KLF8: variants seen among roughly 807,000 people sequenced by gnomAD.
KLF8 encodes the protein Krueppel-like factor 8.
KLF8 carries 10 observed loss-of-function variants against 18.2 expected under a neutral mutation model. The ratio of observed to expected loss-of-function variants is 0.55; its 90% CI spans 0.34 to 0.93. The LOEUF is 0.93. Among genes scored for constraint, KLF8 ranks in the 40% least tolerant of loss-of-function variants. The pLI is 0.02. For missense variants in KLF8, 264 were observed against 277.9 expected (o/e 0.95, Z 0.36); for synonymous variants, 109 against 97.3 (o/e 1.12, Z -0.71).
intron 5 of KLF8, among the ~76,000 whole-genome samples, chrX:56,272,111 A>G (rs1014758451): frequency 2.7e-5 from 3 of 111,826 alleles, no homozygotes; most frequent in East Asian, 2.8e-4. Flanking sequence ...AATATCCACA[A>G]TTCTTAGCTT....
the KLF8 span, among the ~76,000 whole-genome samples, chrX:56,067,743 C>T: frequency 8.9e-6 from 1 of 112,214 alleles, no homozygotes; most frequent in African/African-American, 3.2e-5. Context: ...CCCCCGTCCC[C>T]CTCCTACACT....
At chrX:56,278,688 C>T (rs2067156724) in intron 5 of KLF8, among the ~76,000 whole-genome samples, 1 of 111,286 alleles carries the variant, frequency 9.0e-6, no homozygotes, top group Non-Finnish European at 1.9e-5. Flanking sequence ...ATGCTCCCCG[C>T]AAGTCCACTG....
At chrX:56,248,054 G>A (rs2066649180) in intron 1 of KLF8, among the ~76,000 whole-genome samples, 2 of 111,142 alleles carry the variant, frequency 1.8e-5, no homozygotes, top group Admixed American at 1.9e-4. Context: ...GATATCACTA[G>A]GTGATAGGAA....
chrX:56,057,555 A>G, the KLF8 span, among the ~76,000 whole-genome samples: 3 of 111,511 alleles, frequency 2.7e-5, no homozygotes, highest in African/African-American at 9.8e-5. Flanking sequence ...GGAGCTCTCC[A>G]TTGGTCAGAA....
At chrX:56,115,729 T>C in the KLF8 span, among the ~76,000 whole-genome samples, 1 of 112,005 alleles carries the variant, frequency 8.9e-6, no homozygotes, top group African/African-American at 3.3e-5. Context: ...AATAATAATA[T>C]CATTTAGCAA....
At chrX:56,254,520 C>T (rs1420619169) in intron 2 of KLF8, among the ~76,000 whole-genome samples, 2 of 112,104 alleles carry the variant, frequency 1.8e-5, no homozygotes, top group Admixed American at 1.9e-4. Context: ...GTCAGTGTGA[C>T]AGCCTTCTGC....
At chrX:56,041,229 T>C in the KLF8 span, among the ~76,000 whole-genome samples, 1 of 109,679 alleles carries the variant, frequency 9.1e-6, no homozygotes, top group East Asian at 2.9e-4. Context: ...GTTCAAGCGA[T>C]TCTCCTGCTT....
chrX:55,949,581 A>C, the KLF8 span, among the ~76,000 whole-genome samples: 3 of 110,052 alleles, frequency 2.7e-5, no homozygotes, highest in East Asian at 8.6e-4. Context: ...TCACAAGGTC[A>C]AGAAATCACG....
chrX:56,269,031 G>A (rs747318877), intron 3 of KLF8: 18 of 884,898 alleles, frequency 2.0e-5, no homozygotes, highest in Middle Eastern at 6.6e-4. Flanking sequence ...CACACACGTT[G>A]AAACTAACTT....
chrX:56,109,763 C>T, the KLF8 span, among the ~76,000 whole-genome samples: 6 of 41,968 alleles, frequency 1.4e-4, no homozygotes, highest in Admixed American at 6.9e-4. Flanking sequence ...CTTATTTTTT[C>T]CCTTTCTTAT....
At chrX:56,146,409 G>A in the KLF8 span, among the ~76,000 whole-genome samples, 1 of 111,658 alleles carries the variant, frequency 9.0e-6, no homozygotes, top group Non-Finnish European at 1.9e-5. Flanking sequence ...CATGTTCTTT[G>A]CAGAGACATG....
chrX:56,189,634 C>T, the KLF8 span, among the ~76,000 whole-genome samples: 1 of 110,356 alleles, frequency 9.1e-6, no homozygotes, highest in African/African-American at 3.3e-5. Context: ...TGTCCAACAA[C>T]AATAGACTGG....
the KLF8 span, among the ~76,000 whole-genome samples, chrX:56,037,149 T>C: frequency 2.7e-4 from 30 of 112,080 alleles, no homozygotes; most frequent in Non-Finnish European, 4.9e-4. Context: ...CTTTATTTTT[T>C]TCTCTTACCT....
At chrX:56,058,302 A>ATATATATATG in the KLF8 span, among the ~76,000 whole-genome samples, 2 of 66,483 alleles carry the variant, frequency 3.0e-5, no homozygotes, top group African/African-American at 1.4e-4. Flanking sequence ...ATATATATAT[A>ATATATATATG]TATATATATA....
At chrX:56,113,554 G>GTTTTTTTTTTTTTTTT in the KLF8 span, among the ~76,000 whole-genome samples, 9 of 34,661 alleles carry the variant, frequency 2.6e-4, no homozygotes, top group African/African-American at 8.9e-4. Flanking sequence ...GGCAGGGATA[G>GTTTTTTTTTTTTTTTT]TTTTTTTTTT....
At chrX:56,139,135 C>T in the KLF8 span, among the ~76,000 whole-genome samples, 26 of 111,814 alleles carry the variant, frequency 2.3e-4, 1 homozygote, top group Admixed American at 2.1e-3. Flanking sequence ...TTACAAAACA[C>T]TGCTGAAAGA....
At chrX:56,012,984 A>C in the KLF8 span, among the ~76,000 whole-genome samples, 1 of 112,179 alleles carries the variant, frequency 8.9e-6, no homozygotes, top group South Asian at 3.7e-4. Flanking sequence ...ACACTAACCA[A>C]AACAGCATGG....
chrX:56,111,793 C>T, the KLF8 span, among the ~76,000 whole-genome samples: 532 of 112,030 alleles, frequency 4.7e-3, 2 homozygotes, highest in Non-Finnish European at 8.0e-3. Flanking sequence ...TACCATCTCA[C>T]GCCAGTTAGA....
the KLF8 span, among the ~76,000 whole-genome samples, chrX:56,049,322 A>G: frequency 1.8e-5 from 2 of 111,629 alleles, no homozygotes; most frequent in East Asian, 5.6e-4. Flanking sequence ...GAGTGGTGAG[A>G]GAAGGCATCC....
Sources: allele counts gnomAD v4.1 joint callset (sites outside exome capture counted in the v4.1 genomes callset), GRCh38; gene constraint gnomAD v4.1.1; transcripts MANE v1.5; gene names NCBI Gene and HGNC (gene_info 2026-07-23, HGNC 2026-07-21).